Variants in DOCK9 observed in about 807,000 individuals in gnomAD.
DOCK9 encodes dedicator of cytokinesis protein 9.
In DOCK9, 89 loss-of-function variants were observed where a neutral mutation model predicts 263.3. The ratio of observed to expected loss-of-function variants is 0.34; its 90% CI spans 0.28 to 0.40. The LOEUF (loss-of-function observed/expected upper bound fraction) is 0.40. Ranked by LOEUF, DOCK9 falls within the 10% of genes least tolerant of loss-of-function variation. The pLI, the probability that DOCK9 is intolerant of heterozygous loss-of-function variation, is 1.00. For missense variants in DOCK9, 2,140 were observed against 2,603.4 expected (o/e 0.82, Z 3.87); for synonymous variants, 976 against 973.1 (o/e 1.00, Z -0.06).
intron 2 of DOCK9, among the ~76,000 whole-genome samples, chr13:98,946,319 GGACA>G (rs1332384984): frequency 2.0e-5 from 3 of 152,072 alleles, no homozygotes; most frequent in African/African-American, 4.8e-5. Context: ...CAGGTAAGAG[GGACA>G]GACAAAGGCT....
rs200692924 is a variant in DOCK9, at chr13:98,804,965, G to A, written c.5725+34C>T. 349 of 1,564,446 alleles carry A rather than the reference G, an allele frequency of 2.2e-4. No homozygotes were observed. In the African/African-American group the frequency reaches 4.0e-3, roughly 18 times the overall value. The stretch of plus-strand genomic sequence containing the variant: ...TGGACAGCTCTTTGGCGAGGTGTCC[G>A]GGCTCGTGTCCATGCGGCTTCTGGG... On this transcript the variant is annotated intron_variant, in intron 49 of 52. Transcript: ENST00000682017.
At chr13:99,067,308 A>G (rs1391247421) in intron 1 of DOCK9, among the ~76,000 whole-genome samples, 7 of 152,204 alleles carry the variant, frequency 4.6e-5, no homozygotes, top group Admixed American at 6.5e-5. Flanking sequence ...AGAGCTTTAA[A>G]AACTTCTAAC....
rs552127421 is a variant in DOCK9, at chr13:99,020,301, A to T, written c.130-64750T>A. 9.6e-4 allele frequency among the ~76,000 whole-genome samples: 146 copies of T among 152,284 alleles called. 2 individuals are homozygous for T. The highest frequency in any genetic ancestry group is 3.3e-3 in the African/African-American group (139 of 41,560). Reference sequence around the variant, plus strand: ...CAGCACCTTGCTTGATAAATTCAACAATTTCTGAACATTGTTTTGGTCCCA... The same window carrying T: ...CAGCACCTTGCTTGATAAATTCAACTATTTCTGAACATTGTTTTGGTCCCA... On this transcript the variant is annotated intron_variant, in intron 1 of 32. Transcript: ENST00000427887.
chr13:99,073,962 C>T (rs1211125238), intron 1 of DOCK9, among the ~76,000 whole-genome samples: 1 of 152,178 alleles, frequency 6.6e-6, no homozygotes, highest in Non-Finnish European at 1.5e-5. Context: ...AGCTTCAGAT[C>T]CTTCACATTC....
intron 1 of DOCK9, among the ~76,000 whole-genome samples, chr13:99,054,267 A>G (rs2040825226): frequency 6.6e-6 from 1 of 152,196 alleles, no homozygotes; most frequent in Non-Finnish European, 1.5e-5. Flanking sequence ...ACATAAAAAC[A>G]TTACTCTCCA....
At chr13:98,824,203 C>T (rs1373903496) in intron 45 of DOCK9, among the ~76,000 whole-genome samples, 195 bp downstream of exon 45, 2 of 152,220 alleles carry the variant, frequency 1.3e-5, no homozygotes. Flanking sequence ...AGAAAGGAGA[C>T]ACTCCTAGAA....
At chr13:98,864,335 A>G (rs1261875135) in intron 30 of DOCK9, among the ~76,000 whole-genome samples, 2 of 152,240 alleles carry the variant, frequency 1.3e-5, no homozygotes, top group Non-Finnish European at 2.9e-5. Context: ...GGGTACATAA[A>G]AACAGCTAAA....
chr13:98,994,486 T>C (rs959598975), intron 1 of DOCK9, among the ~76,000 whole-genome samples: 1 of 152,220 alleles, frequency 6.6e-6, no homozygotes, highest in African/African-American at 2.4e-5. Flanking sequence ...TCAACAGTGC[T>C]AAGGCTGAGA....
rs533709300 is a variant in DOCK9 at position 99,008,668 on chromosome 13, G to A, written c.130-53117C>T. Among the ~76,000 whole-genome samples the A allele has an allele frequency of 3.3e-5, 5 of 152,348 alleles. No homozygotes were observed. The East Asian group carries it at 7.7e-4, about 23-fold the overall frequency. On this transcript the variant is annotated intron_variant, in intron 1 of 32. Coordinates refer to the DOCK9 transcript ENST00000427887. Reference sequence around the variant, plus strand: ...GACTGGGTGGCTAAGCAACAGAAATGTATTTTCTCACCATTCTAAGACTGG... The same window carrying A: ...GACTGGGTGGCTAAGCAACAGAAATATATTTTCTCACCATTCTAAGACTGG...
At chr13:99,076,195 G>C (rs183083900) in intron 1 of DOCK9, among the ~76,000 whole-genome samples, 1 of 152,154 alleles carries the variant, frequency 6.6e-6, no homozygotes, top group South Asian at 2.1e-4. Context: ...CACCATCCAC[G>C]TGCTCCTTGC....
intron 1 of DOCK9, among the ~76,000 whole-genome samples, chr13:99,059,677 T>C (rs2142276793): frequency 6.6e-6 from 1 of 152,352 alleles, no homozygotes; most frequent in East Asian, 1.9e-4. Context: ...TTTTGTGATA[T>C]AATTCACATA....
chr13:99,080,686 G>A (rs1274425786), intron 1 of DOCK9, among the ~76,000 whole-genome samples: 1 of 152,180 alleles, frequency 6.6e-6, no homozygotes, highest in Non-Finnish European at 1.5e-5. Context: ...TCCAGGTCCA[G>A]TTTAATTCTT....
intron 1 of DOCK9, among the ~76,000 whole-genome samples, chr13:99,074,975 TAGTA>T (rs1400438499): frequency 6.6e-6 from 1 of 152,236 alleles, no homozygotes; most frequent in African/African-American, 2.4e-5. Flanking sequence ...ATCATTACAG[TAGTA>T]CAATATGTAC....
chr13:98,797,116 T>G lies in DOCK9; in HGVS notation c.6155A>C (p.Gln2052Pro). ...AKELSEIMHE[Q>P]ICPLEEKTSV... ...TGTTGGAGCCAGTGCGGCCCTCACCTGCTCATGCATGATTTCAGAAAGCTC... is the reference window on the plus strand; with the variant it reads ...TGTTGGAGCCAGTGCGGCCCTCACCGGCTCATGCATGATTTCAGAAAGCTC... Residue 2052 changes from glutamine (Q) to proline (P), a missense_variant and splice_region_variant, in exon 52 of 53, where the codon CAG becomes CCG. Transcript: ENST00000682017. 2 of 1,614,060 alleles carry G rather than the reference T, an allele frequency of 1.2e-6. No homozygotes were observed. Among genetic ancestry groups the G allele is most frequent in the East Asian group, 2.2e-5 (1 of 44,884 alleles).
In DOCK9 at chr13:98,867,867, T is replaced by C. The variant is rs2094077188; in HGVS notation, c.3174+61A>G. ...CTTTAAAAAAAAAAAAGGAAAAAGA[T>C]AATTCTACCAGAGAAAGGCTACATG... is the stretch of plus-strand genomic sequence containing the variant. On this transcript the variant is annotated intron_variant, in intron 29 of 52. Coordinates refer to ENST00000682017, the MANE Select transcript of DOCK9 (RefSeq NM_001366683.2). 3 of 1,415,276 alleles carry C rather than the reference T, an allele frequency of 2.1e-6. No homozygotes were observed. The East Asian group carries it at 7.1e-5, about 34-fold the overall frequency. 87.7% of individuals were successfully genotyped at this position (1,415,276 alleles called of 1,614,324 possible). A position where few individuals can be genotyped will look rare whatever the true frequency, so the allele number is the denominator to read the frequency against.
Position 98,898,204 on chromosome 13 carries a change from T to C in DOCK9, c.1561A>G (p.Arg521Gly). 1 of 1,612,004 alleles carries C rather than the reference T, an allele frequency of 6.2e-7. No individual in the cohort carries two copies. Among genetic ancestry groups the C allele is most frequent in the Non-Finnish European group, 8.5e-7 (1 of 1,179,058 alleles). ...KQACQRLGQY[R>G]MPFAWAARTL... ...CTTGCTGCCCAAGCAAATGGCATTCTATACTGTCCTAGTCTTTGGCATGCC... is the reference window on the plus strand; with the variant it reads ...CTTGCTGCCCAAGCAAATGGCATTCCATACTGTCCTAGTCTTTGGCATGCC... The change falls in exon 14 of 53, where the codon AGA becomes GGA. Residue 521 changes from arginine (R) to glycine (G), a missense_variant. Around this residue, in one of 2 missense-constraint regions of DOCK9, gnomAD observed 1,521 missense variants for 1,741.7 expected, o/e 0.87. Coordinates refer to ENST00000682017, the MANE Select transcript of DOCK9 (RefSeq NM_001366683.2).
intron 47 of DOCK9, chr13:98,808,502 A>C (rs2140191307): frequency 1.5e-6 from 1 of 664,378 alleles, no homozygotes; most frequent in East Asian, 2.8e-5. Flanking sequence ...CACGTAAATT[A>C]AGAGAGAGAA....
intron 37 of DOCK9, chr13:98,846,427 TG>T: frequency 5.8e-6 from 6 of 1,042,168 alleles, no homozygotes; most frequent in Non-Finnish European, 8.1e-6. Flanking sequence ...GCAAAAGACA[TG>T]TATTTTTTTT....
At chr13:99,065,796 T>G (rs2041389817) in intron 1 of DOCK9, among the ~76,000 whole-genome samples, 1 of 152,228 alleles carries the variant, frequency 6.6e-6, no homozygotes, top group South Asian at 2.1e-4. Flanking sequence ...TCTCTCCTAT[T>G]AGTCAGTCGG....
Sources: gnomAD v4.1 joint callset for allele counts (sites outside exome capture counted in the v4.1 genomes callset) on GRCh38, gnomAD v4.1.1 for gene constraint, gnomAD v4.1.1 regional missense constraint, MANE v1.5 for transcripts, NCBI Gene and HGNC (gene_info 2026-07-23, HGNC 2026-07-21) for gene names.